Variants in PDGFD observed in about 807,000 individuals in gnomAD.
The protein encoded by PDGFD is platelet derived growth factor D, also known as platelet-derived growth factor D.
Under a neutral mutation model 44.7 loss-of-function variants are expected in PDGFD, and 30 were observed. That is an observed-to-expected ratio of 0.67 (90% confidence interval 0.50 to 0.91). PDGFD has a LOEUF of 0.91. Among genes scored for constraint, PDGFD ranks in the 40% least tolerant of loss-of-function variants. The pLI is 0.00. For missense variants in PDGFD, 445 were observed against 457.8 expected (o/e 0.97, Z 0.25); for synonymous variants, 173 against 168.4 (o/e 1.03, Z -0.21).
intron 1 of PDGFD, among the ~76,000 whole-genome samples, chr11:104,099,021 A>T (rs1200567807): frequency 6.6e-6 from 1 of 152,204 alleles, no homozygotes; most frequent in Non-Finnish European, 1.5e-5. Context: ...GAAATAAAAG[A>T]ATAATATCTA....
intron 4 of PDGFD, chr11:103,946,109 T>C (rs1858664395): frequency 1.3e-5 from 2 of 151,450 alleles, no homozygotes; most frequent in South Asian, 4.1e-4. Context: ...TAAAAATCAA[T>C]TCTGAAGTTA....
intron 1 of PDGFD, among the ~76,000 whole-genome samples, chr11:104,016,881 T>C (rs1859865806): frequency 6.6e-6 from 1 of 152,204 alleles, no homozygotes; most frequent in Non-Finnish European, 1.5e-5. Flanking sequence ...TTAAGAAATG[T>C]TGGTCACCTT....
At chr11:104,039,478 C>T (rs969368035) in intron 1 of PDGFD, among the ~76,000 whole-genome samples, 3 of 152,080 alleles carry the variant, frequency 2.0e-5, no homozygotes, top group African/African-American at 7.2e-5. Flanking sequence ...ACTAATCAAC[C>T]TTTCTAAAGA....
chr11:103,941,598 T>C (rs995967906), intron 5 of PDGFD, among the ~76,000 whole-genome samples: 2 of 151,792 alleles, frequency 1.3e-5, no homozygotes, highest in African/African-American at 2.4e-5. Context: ...ACATTGCCAA[T>C]AAGAAAACTG....
intron 1 of PDGFD, among the ~76,000 whole-genome samples, chr11:104,055,915 C>T (rs1860611349): frequency 6.6e-6 from 1 of 152,158 alleles, no homozygotes; most frequent in African/African-American, 2.4e-5. Context: ...ACTGAGGGTA[C>T]TTTCTATTTC....
At chr11:104,092,307 T>A (rs1019427221) in intron 1 of PDGFD, among the ~76,000 whole-genome samples, 2 of 152,192 alleles carry the variant, frequency 1.3e-5, no homozygotes, top group Non-Finnish European at 2.9e-5. Context: ...TCTGGGCTTA[T>A]TAACTCATTA....
chr11:104,115,555 T>G (rs923534494), intron 1 of PDGFD, among the ~76,000 whole-genome samples: 1 of 151,788 alleles, frequency 6.6e-6, no homozygotes, highest in Non-Finnish European at 1.5e-5. Flanking sequence ...AGATACCCAG[T>G]AGTGGGATTG....
chr11:103,975,706 T>C (rs1044964742), intron 3 of PDGFD, among the ~76,000 whole-genome samples: 2 of 152,160 alleles, frequency 1.3e-5, no homozygotes, highest in African/African-American at 4.8e-5. Context: ...TCTTTTTTTC[T>C]GCATATGACT....
chr11:104,009,845 T>C (rs1859756534), intron 1 of PDGFD, among the ~76,000 whole-genome samples: 1 of 152,170 alleles, frequency 6.6e-6, no homozygotes, highest in Non-Finnish European at 1.5e-5. Flanking sequence ...TTTCAGCTTT[T>C]TCCCCCTAGT....
At chr11:104,094,679 C>T (rs1333728815) in intron 1 of PDGFD, among the ~76,000 whole-genome samples, 1 of 152,090 alleles carries the variant, frequency 6.6e-6, no homozygotes, top group Non-Finnish European at 1.5e-5. Flanking sequence ...TACAAACACA[C>T]ATAGTCAGTT....
intron 6 of PDGFD, among the ~76,000 whole-genome samples, chr11:103,925,827 C>T (rs1858305355): frequency 1.3e-5 from 2 of 151,244 alleles, no homozygotes; most frequent in Middle Eastern, 3.4e-3. Context: ...CTCCCGGGTT[C>T]AAGTGATTCT....
At chr11:103,938,336 G>A (rs1041032595) in intron 5 of PDGFD, among the ~76,000 whole-genome samples, 14 of 152,180 alleles carry the variant, frequency 9.2e-5, no homozygotes, top group African/African-American at 3.4e-4. Flanking sequence ...GTGTTTTTTG[G>A]CTGCATAAAT....
intron 3 of PDGFD, among the ~76,000 whole-genome samples, chr11:103,979,471 A>G (rs1023738522): frequency 4.6e-5 from 7 of 152,102 alleles, no homozygotes; most frequent in African/African-American, 1.7e-4. Context: ...CAATTGACTC[A>G]GGCAACTATC....
intron 1 of PDGFD, among the ~76,000 whole-genome samples, chr11:104,160,532 T>G (rs1302485914): frequency 6.6e-6 from 1 of 152,236 alleles, no homozygotes; most frequent in African/African-American, 2.4e-5. Flanking sequence ...AATACATAGA[T>G]GCTACTGCTA....
chr11:104,047,790 A>C (rs919635604), intron 1 of PDGFD, among the ~76,000 whole-genome samples: 6 of 151,968 alleles, frequency 3.9e-5, no homozygotes, highest in Non-Finnish European at 7.4e-5. Flanking sequence ...CCAACAAAAT[A>C]GATGTGTTAA....
chr11:104,119,316 T>A (rs1591174154), intron 1 of PDGFD, among the ~76,000 whole-genome samples: 8 of 73,794 alleles, frequency 1.1e-4, no homozygotes, highest in African/African-American at 4.3e-4. Flanking sequence ...ATTGATATAA[T>A]ATATTGATAT....
chr11:103,972,619 G>A (rs1329014211), intron 3 of PDGFD, among the ~76,000 whole-genome samples: 2 of 152,062 alleles, frequency 1.3e-5, no homozygotes, highest in Non-Finnish European at 2.9e-5. Context: ...GATGCATAGT[G>A]TCCCCCAGAT....
At chr11:103,979,178 C>T (rs1859227036) in intron 3 of PDGFD, among the ~76,000 whole-genome samples, 1 of 152,070 alleles carries the variant, frequency 6.6e-6, no homozygotes, top group Admixed American at 6.6e-5. Context: ...TAGCTAAAGC[C>T]TGAAGTCTTT....
chr11:104,017,588 A>C (rs1469205599), intron 1 of PDGFD, among the ~76,000 whole-genome samples: 1 of 152,204 alleles, frequency 6.6e-6, no homozygotes, highest in Non-Finnish European at 1.5e-5. Flanking sequence ...AATCCTCATA[A>C]ATTCCAATGC....
Sources: allele counts gnomAD v4.1 joint callset (sites outside exome capture counted in the v4.1 genomes callset), GRCh38; gene constraint gnomAD v4.1.1; transcripts MANE v1.5; gene names NCBI Gene and HGNC (gene_info 2026-07-23, HGNC 2026-07-21).